The following PIAS2 variants were observed in gnomAD, a reference collection of about 807,000 sequenced individuals.
PIAS2 encodes the protein E3 SUMO-protein ligase PIAS2.
PIAS2 carries 19 observed loss-of-function variants against 69.7 expected under a neutral mutation model. The ratio of observed to expected loss-of-function variants is 0.27; its 90% CI spans 0.19 to 0.40. The LOEUF is 0.40. Ranked by LOEUF, PIAS2 falls within the 10% of genes least tolerant of loss-of-function variation. The probability of loss-of-function intolerance (pLI) is 1.00; values close to 1 mark genes in which losing one functional copy is unlikely to be tolerated. For missense variants in PIAS2, 624 were observed against 757.0 expected (o/e 0.82, Z 2.06); for synonymous variants, 261 against 263.2 (o/e 0.99, Z 0.08).
chr18:46,906,299 A>G (rs2056584920), intron 1 of PIAS2: 1 of 152,064 alleles, frequency 6.6e-6, no homozygotes, highest in Non-Finnish European at 1.5e-5. Flanking sequence ...CTTCTATTCA[A>G]CATTGTACTG....
chr18:46,895,423 C>T (rs2054691034), intron 1 of PIAS2, among the ~76,000 whole-genome samples: 1 of 152,198 alleles, frequency 6.6e-6, no homozygotes, highest in Admixed American at 6.5e-5. Flanking sequence ...GTAACCCCAG[C>T]ACTTCGGGAG....
chr18:46,866,461 A>T (rs2049478316), intron 2 of PIAS2, among the ~76,000 whole-genome samples: 1 of 152,250 alleles, frequency 6.6e-6, no homozygotes, highest in South Asian at 2.1e-4. Context: ...CTTTTCAGAT[A>T]AACAGAAGAT....
At chr18:46,841,780 A>T (rs754753468) in intron 8 of PIAS2, among the ~76,000 whole-genome samples, 7 of 152,356 alleles carry the variant, frequency 4.6e-5, no homozygotes, top group Non-Finnish European at 7.3e-5. Flanking sequence ...TCAGAAACTT[A>T]AAACAAGATT....
chr18:46,827,831 A>C, intron 11 of PIAS2, 128 bp downstream of exon 11: 1 of 763,080 alleles, frequency 1.3e-6, no homozygotes, highest in Non-Finnish European at 2.0e-6. Flanking sequence ...AAAATATTTC[A>C]ACTCAACAAA....
intron 5 of PIAS2, among the ~76,000 whole-genome samples, chr18:46,851,263 T>C (rs2046928687): frequency 6.6e-6 from 1 of 152,228 alleles, no homozygotes; most frequent in East Asian, 1.9e-4. Context: ...TACTTGGAGA[T>C]TGCTGCCAGC....
chr18:46,906,931 T>C (rs1405966598), intron 1 of PIAS2, among the ~76,000 whole-genome samples: 1 of 152,120 alleles, frequency 6.6e-6, no homozygotes, highest in Non-Finnish European at 1.5e-5. Flanking sequence ...CAACCCTCCC[T>C]GTGAGAACTT....
chr18:46,918,995 G>A (rs868182608), upstream of PIAS2, among the ~76,000 whole-genome samples: 3 of 147,450 alleles, frequency 2.0e-5, no homozygotes, highest in South Asian at 2.1e-4. Flanking sequence ...GTGTGTGCGT[G>A]TATATATATA....
chr18:46,812,336 A>C lies in PIAS2; in HGVS notation c.*97T>G, dbSNP rs1241700222. 4.1e-6 allele frequency: 3 copies of C among 734,806 alleles called. No homozygotes were observed. The highest frequency in any genetic ancestry group is 6.5e-6 in the Non-Finnish European group (3 of 462,372). 45.5% of individuals were successfully genotyped at this position (734,806 alleles called of 1,614,324 possible). Reference sequence around the variant, plus strand: ...CCATCTGACTTTCAATAAATACCAAATTATTAAAAAAAAAAAAAAAAGAAC... The same window carrying C: ...CCATCTGACTTTCAATAAATACCAACTTATTAAAAAAAAAAAAAAAAGAAC... On this transcript the variant is annotated 3_prime_UTR_variant, in exon 14 of 14. Transcript: ENST00000585916.
chr18:46,850,259 G>C (rs1377884421), intron 5 of PIAS2, among the ~76,000 whole-genome samples: 1 of 152,056 alleles, frequency 6.6e-6, no homozygotes, highest in Admixed American at 6.6e-5. Flanking sequence ...TCCAGATGTA[G>C]TTTAGTATAG....
At chr18:46,840,105 G>A (rs2045132648) in intron 8 of PIAS2, among the ~76,000 whole-genome samples, 1 of 151,430 alleles carries the variant, frequency 6.6e-6, no homozygotes, top group East Asian at 1.9e-4. Context: ...AAGTTGCAGT[G>A]AGCTGAGATC....
intron 3 of PIAS2, among the ~76,000 whole-genome samples, chr18:46,858,246 G>T (rs578095217): frequency 2.7e-5 from 4 of 149,918 alleles, no homozygotes; most frequent in African/African-American, 9.8e-5. Flanking sequence ...AGCAGAGCAA[G>T]ATGTTGAAAA....
intron 2 of PIAS2, among the ~76,000 whole-genome samples, chr18:46,868,968 G>C (rs1225497027): frequency 6.6e-6 from 1 of 152,202 alleles, no homozygotes; most frequent in African/African-American, 2.4e-5. Flanking sequence ...ATGGCAACCA[G>C]GTAACTCTGT....
intron 13 of PIAS2, among the ~76,000 whole-genome samples, chr18:46,813,408 G>C (rs2041178880): frequency 6.6e-6 from 1 of 152,132 alleles, no homozygotes; most frequent in African/African-American, 2.4e-5. Context: ...AATATTAACA[G>C]AGGAGTGAAG....
chr18:46,889,082 A>G (rs2053658885), intron 2 of PIAS2, among the ~76,000 whole-genome samples: 1 of 152,238 alleles, frequency 6.6e-6, no homozygotes, highest in Non-Finnish European at 1.5e-5. Flanking sequence ...TACGAAAATT[A>G]ACTCAAAAGA....
chr18:46,803,564 T>C lies in PIAS2; in HGVS notation c.*8869A>G, dbSNP rs1260925605. On this transcript the variant is annotated 3_prime_UTR_variant, in exon 14 of 14. Transcript: ENST00000585916. ...CCCATCAATTGGTAGGATATGTCTA[T>C]AGCTTGTCAAATAGCAGGTGGGCAT... The C allele has an allele frequency of 2.6e-5, 4 of 152,216 alleles. No homozygotes were observed. The highest frequency in any genetic ancestry group is 7.2e-5 in the African/African-American group (3 of 41,440). 9.4% of individuals were successfully genotyped at this position (152,216 alleles called of 1,614,324 possible). A position where few individuals can be genotyped will look rare whatever the true frequency, so the allele number is the denominator to read the frequency against.
chr18:46,851,904 C>G lies in PIAS2; in HGVS notation c.726+3441G>C, dbSNP rs113913745. Among the ~76,000 whole-genome samples, 587 of 152,298 alleles carry G rather than the reference C, an allele frequency of 3.9e-3. 8 individuals are homozygous for G. Among genetic ancestry groups the G allele is most frequent in the African/African-American group, 0.014 (565 of 41,568 alleles). On this transcript the variant is annotated intron_variant, in intron 5 of 13. Coordinates refer to ENST00000585916, the MANE Select transcript of PIAS2 (RefSeq NM_004671.5). The stretch of plus-strand genomic sequence containing the variant: ...CAGACAAATGCCACCATATTCAGAG[C>G]TCTAATGGGCAATTCATGACTGTGT...
intron 3 of PIAS2, among the ~76,000 whole-genome samples, chr18:46,862,850 C>T (rs1434237574): frequency 6.6e-6 from 1 of 151,904 alleles, no homozygotes; most frequent in African/African-American, 2.4e-5. Context: ...GGATTACAGG[C>T]GCCCGCCACC....
At chr18:46,881,925 T>C (rs1266791530) in intron 2 of PIAS2, among the ~76,000 whole-genome samples, 2 of 152,208 alleles carry the variant, frequency 1.3e-5, no homozygotes, top group Non-Finnish European at 2.9e-5. Context: ...GGTGAAACCC[T>C]GTCTCTACTA....
intron 1 of PIAS2, among the ~76,000 whole-genome samples, chr18:46,897,418 T>C (rs952973632): frequency 4.6e-5 from 7 of 152,168 alleles, no homozygotes; most frequent in Non-Finnish European, 8.8e-5. Context: ...GGGCTCCTAG[T>C]AGCCTAAGAT....
Sources: allele counts gnomAD v4.1 joint callset (sites outside exome capture counted in the v4.1 genomes callset), GRCh38; gene constraint gnomAD v4.1.1; transcripts MANE v1.5; gene names NCBI Gene and HGNC (gene_info 2026-07-23, HGNC 2026-07-21).